Variants in USH2A observed in about 807,000 individuals in gnomAD.
USH2A encodes usherin.
In USH2A, 443 loss-of-function variants were observed where a neutral mutation model predicts 538.9. The ratio of observed to expected loss-of-function variants is 0.82; its 90% CI spans 0.76 to 0.89. USH2A has a LOEUF of 0.89. Among genes scored for constraint, USH2A ranks in the 40% least tolerant of loss-of-function variants. The pLI is 0.00. For synonymous variants in USH2A, 2,413 were observed against 2,273.5 expected (o/e 1.06, Z -1.75); for missense variants, 6,633 against 6,324.8 (o/e 1.05, Z -1.65).
intron 4 of USH2A, among the ~76,000 whole-genome samples, chr1:216,339,817 T>G (rs963044490): frequency 6.6e-6 from 1 of 150,578 alleles, no homozygotes; most frequent in South Asian, 2.1e-4. Context: ...CCAGAATCTC[T>G]GGAACACAGC....
At position 216,280,834 on chromosome 1, in the gene USH2A, C is replaced by G. The variant is rs1485180810; in HGVS notation, c.1971+8446G>C. Among the ~76,000 whole-genome samples, 4 of 152,262 alleles carry G rather than the reference C, an allele frequency of 2.6e-5. No homozygotes were observed. In the South Asian group the frequency reaches 6.2e-4, roughly 24 times the overall value. On this transcript the variant is annotated intron_variant, in intron 11 of 71. Transcript: ENST00000307340. ...AGAGCGCACGACACAGTCACTCAGG[C>G]CATTTGGGGCTGGCTTCATTCCTAA...
chr1:216,031,052 G>A (rs920146879), intron 32 of USH2A, among the ~76,000 whole-genome samples: 3 of 151,768 alleles, frequency 2.0e-5, no homozygotes, highest in Non-Finnish European at 4.4e-5. Context: ...TGTGTACTGG[G>A]CATTTCTCTA....
chr1:216,158,849 G>A (rs301757), intron 21 of USH2A, among the ~76,000 whole-genome samples: 136,557 of 152,192 alleles, frequency 0.9, 61,531 homozygotes, highest in East Asian at 0.98. Context: ...TGAACATGGC[G>A]TAACTTTCCA....
At chr1:215,642,353 G>C (rs368647379) in intron 67 of USH2A, among the ~76,000 whole-genome samples, 2 of 152,276 alleles carry the variant, frequency 1.3e-5, no homozygotes, top group African/African-American at 4.8e-5. Flanking sequence ...GTGGCTGGTA[G>C]GAGACCAAGG....
chr1:216,217,334 G>A (rs1230666147), intron 15 of USH2A, 53 bp downstream of exon 15: 1 of 1,604,422 alleles, frequency 6.2e-7, no homozygotes, highest in East Asian at 2.3e-5. Flanking sequence ...ATGAGATGCA[G>A]TCCCCTGTAT....
At chr1:215,809,083 G>A (rs897781832) in intron 49 of USH2A, among the ~76,000 whole-genome samples, 2 of 152,266 alleles carry the variant, frequency 1.3e-5, no homozygotes, top group South Asian at 4.1e-4. Context: ...AGAGACCAAT[G>A]AAGGAGCAAC....
chr1:215,728,453 A>C (rs1558072309), intron 60 of USH2A, 69 bp from the exon 61 acceptor site: 2 of 1,462,490 alleles, frequency 1.4e-6, no homozygotes, highest in Non-Finnish European at 1.9e-6. Flanking sequence ...AGATGGAGTA[A>C]AAACATTTTT....
intron 14 of USH2A, among the ~76,000 whole-genome samples, chr1:216,224,035 A>G (rs1454847501): frequency 6.6e-6 from 1 of 152,196 alleles, no homozygotes; most frequent in Non-Finnish European, 1.5e-5. Context: ...CCCTCTATGG[A>G]CAACTTCAGT....
intron 22 of USH2A, among the ~76,000 whole-genome samples, chr1:216,091,771 T>A (rs187937902): frequency 1.3e-5 from 2 of 152,362 alleles, no homozygotes; most frequent in Non-Finnish European, 2.9e-5. Flanking sequence ...AGATAACTAC[T>A]TTAAAATTCC....
Position 215,623,082 on chromosome 1 carries a change from T to C in USH2A, c.*2699A>G, listed in dbSNP as rs1201008615. The C allele has an allele frequency of 6.6e-6, 1 of 152,150 alleles. No individual in the cohort carries two copies. Among genetic ancestry groups the C allele is most frequent in the Admixed American group, 6.5e-5 (1 of 15,268 alleles). 9.4% of individuals were successfully genotyped at this position (152,150 alleles called of 1,614,324 possible). A position where few individuals can be genotyped will look rare whatever the true frequency, so the allele number is the denominator to read the frequency against. ...GCATGATTTTTACATCAGTATATGGTACCATAACATTAATATTTGGGTTCC... is the reference window on the plus strand; with the variant it reads ...GCATGATTTTTACATCAGTATATGGCACCATAACATTAATATTTGGGTTCC... On this transcript the variant is annotated 3_prime_UTR_variant, in exon 72 of 72. Coordinates refer to ENST00000307340, the MANE Select transcript of USH2A (RefSeq NM_206933.4).
chr1:216,090,410 C>T (rs1482455468), intron 22 of USH2A, among the ~76,000 whole-genome samples: 1 of 125,248 alleles, frequency 8.0e-6, no homozygotes, highest in East Asian at 2.1e-4. Context: ...GTATGACATA[C>T]AGAATTTCAT....
chr1:215,852,239 C>T (rs563599023), intron 44 of USH2A, among the ~76,000 whole-genome samples: 1 of 152,290 alleles, frequency 6.6e-6, no homozygotes, highest in East Asian at 1.9e-4. Flanking sequence ...GTGAAAGGCA[C>T]ATCTCACATG....
chr1:216,349,169 T>C (rs1449203851), intron 4 of USH2A, among the ~76,000 whole-genome samples: 2 of 152,120 alleles, frequency 1.3e-5, no homozygotes, highest in Admixed American at 6.6e-5. Flanking sequence ...GACCTTGACA[T>C]ACCAGCATTT....
At chr1:215,945,560 T>C (rs770950754) in intron 37 of USH2A, among the ~76,000 whole-genome samples, 8 of 152,174 alleles carry the variant, frequency 5.3e-5, no homozygotes, top group Non-Finnish European at 7.4e-5. Context: ...TGACTACATC[T>C]TAAGAAAAAT....
intron 32 of USH2A, among the ~76,000 whole-genome samples, chr1:216,038,707 G>A (rs2030111928): frequency 6.6e-6 from 1 of 151,914 alleles, no homozygotes; most frequent in South Asian, 2.1e-4. Context: ...CCCTTAAGAT[G>A]TGTCCACTTT....
intron 9 of USH2A, among the ~76,000 whole-genome samples, chr1:216,307,600 G>A (rs1221481377): frequency 6.6e-6 from 1 of 152,180 alleles, no homozygotes; most frequent in Non-Finnish European, 1.5e-5. Flanking sequence ...GATTCTGCTA[G>A]GAAAGTTGGC....
At chr1:216,372,990 A>T (rs2038743092) in intron 3 of USH2A, among the ~76,000 whole-genome samples, 1 of 152,214 alleles carries the variant, frequency 6.6e-6, no homozygotes, top group Non-Finnish European at 1.5e-5. Flanking sequence ...GTTACTTGTT[A>T]TAACTACAAT....
At chr1:216,240,397 A>G (rs980659041) in intron 13 of USH2A, among the ~76,000 whole-genome samples, 22 of 152,192 alleles carry the variant, frequency 1.4e-4, no homozygotes, top group African/African-American at 5.3e-4. Flanking sequence ...TTGGTCGAAC[A>G]TGAGTCTAGA....
rs541344995 is a variant in USH2A, at chr1:215,866,997, GCTTA to G, written c.8845+6_8845+9del. The G allele has an allele frequency of 1.4e-4, 222 of 1,614,048 alleles. No individual in the cohort carries two copies. The African/African-American group carries it at 1.8e-3, about 13-fold the overall frequency. On this transcript the variant is annotated splice_donor_region_variant and intron_variant, in intron 44 of 71. Transcript: ENST00000307340. ...CAAAGTGTTAACACAGGTATGAGAA[GCTTA>G]CTTACTTGGTTTAGCCCACCTCACG...
Sources: allele counts gnomAD v4.1 joint callset (sites outside exome capture counted in the v4.1 genomes callset), GRCh38; gene constraint gnomAD v4.1.1; transcripts MANE v1.5; gene names NCBI Gene and HGNC (gene_info 2026-07-23, HGNC 2026-07-21).